Variants in NADK observed in about 807,000 individuals in gnomAD.
NADK encodes the protein NAD kinase.
A neutral mutation model predicts 49.8 loss-of-function variants in NADK; 22 were observed. The observed-to-expected ratio is 0.44, with a 90% confidence interval of 0.32 to 0.63. The LOEUF is 0.63. NADK is among the 30% of genes least tolerant of loss of function. The pLI, the probability that NADK is intolerant of heterozygous loss-of-function variation, is 0.06. For synonymous variants in NADK, 268 were observed against 253.7 expected (o/e 1.06, Z -0.54); for missense variants, 438 against 609.4 (o/e 0.72, Z 2.96).
chr1:1,754,285 G>T lies in NADK; in HGVS notation c.942C>A (p.Asp314Glu). The change falls in exon 9 of 12, where the codon GAC becomes GAA. Residue 314 changes from aspartate (D) to glutamate (E), a missense_variant and splice_region_variant. Transcript: ENST00000341426. This position sits in a 1 kb window ranked among gnomAD's most constrained non-coding sequence, Gnocchi z 4.3. ...DGHLITTVQG[D>E]GVIVSTPTGS... is the part of the protein sequence containing the mutation. ...CCAGGACAGTGCTGCGGGCCTTACC[G>T]TCGCCCTGCACCGTGGTGATGAGGT... The T allele has an allele frequency of 6.2e-7, 1 of 1,613,630 alleles. No individual in the cohort carries two copies. The highest frequency in any genetic ancestry group is 8.5e-7 in the Non-Finnish European group (1 of 1,179,916).
intron 1 of NADK, among the ~76,000 whole-genome samples, chr1:1,776,116 C>T (rs1035322234): frequency 1.3e-5 from 2 of 152,204 alleles, no homozygotes; most frequent in Non-Finnish European, 2.9e-5. Flanking sequence ...AATCCAGATG[C>T]AAGGCCGTCG....
At chr1:1,776,716 T>C (rs1392838272) in intron 1 of NADK, among the ~76,000 whole-genome samples, 1 of 140,196 alleles carries the variant, frequency 7.1e-6, no homozygotes, top group East Asian at 2.1e-4. Flanking sequence ...GAGGTTGCAG[T>C]GAGCCGAGAT....
chr1:1,769,275 G>A (rs1267227644), intron 1 of NADK, among the ~76,000 whole-genome samples: 3 of 152,128 alleles, frequency 2.0e-5, no homozygotes, highest in Non-Finnish European at 4.4e-5. Context: ...GGCTGGGTGC[G>A]GTGGTTCACG....
chr1:1,755,028 G>T, intron 7 of NADK: 1 of 399,346 alleles, frequency 2.5e-6, no homozygotes, highest in Non-Finnish European at 4.5e-6. Flanking sequence ...CACCGTGTTG[G>T]CCAGGATGGT....
chr1:1,758,244 C>T, intron 3 of NADK: 1 of 1,209,054 alleles, frequency 8.3e-7, no homozygotes, highest in East Asian at 2.5e-5. Context: ...GCAGTGACTT[C>T]CCCAGGAGTG....
At chr1:1,753,697 C>G in intron 10 of NADK, 48 bp from the exon 11 acceptor site, 1 of 1,507,878 alleles carries the variant, frequency 6.6e-7, no homozygotes, top group South Asian at 1.2e-5. Context: ...GTGGGGAGGA[C>G]GCTTCTAGGC....
chr1:1,765,138 T>G lies in NADK; in HGVS notation c.179+90A>C. The G allele has an allele frequency of 3.1e-6, 4 of 1,293,326 alleles. No individual in the cohort carries two copies. In the South Asian group the frequency reaches 6.4e-5, roughly 21 times the overall value. 80.1% of individuals were successfully genotyped at this position (1,293,326 alleles called of 1,614,324 possible). A position where few individuals can be genotyped will look rare whatever the true frequency, so the allele number is the denominator to read the frequency against. ...ACCTTCCGGATGCATCGACGCAGAC[T>G]ACTCAGGAGAATTCTTCATAATCGT... On this transcript the variant is annotated intron_variant, in intron 2 of 11. Coordinates refer to ENST00000341426, the MANE Select transcript of NADK (RefSeq NM_023018.5).
Position 1,765,336 on chromosome 1 carries a change from G to C in NADK, c.71C>G (p.Ser24Trp), listed in dbSNP as rs748296163. 1 of 1,613,480 alleles carries C rather than the reference G, an allele frequency of 6.2e-7. No homozygotes were observed. Among genetic ancestry groups the C allele is most frequent in the South Asian group, 1.1e-5 (1 of 91,028 alleles). Residue 24 changes from serine to tryptophan, a missense_variant, in exon 2 of 12, where the codon TCG (serine) becomes TGG (tryptophan). Physicochemically the swap from Ser to Trp is radical, Grantham distance 177 (BLOSUM62 -3). Transcript: ENST00000341426. ...LSPDAAAYCC[S>W]ACHGDETWSY... ...CCAGGTCTCATCGCCGTGGCAGGCC[G>C]AGCAGCAGTAAGCAGCCGCGTCTGG...
chr1:1,758,665 T>C (rs1645612863), intron 3 of NADK: 1 of 1,371,218 alleles, frequency 7.3e-7, no homozygotes, highest in African/African-American at 1.6e-5. Context: ...CTTCCTACAC[T>C]TATAAAAATC....
At chr1:1,755,265 T>G in intron 7 of NADK, 109 bp downstream of exon 7, 1 of 791,990 alleles carries the variant, frequency 1.3e-6, no homozygotes, top group Non-Finnish European at 2.1e-6. Context: ...TCTTGAAACC[T>G]TTAAATGTTG....
Position 1,752,725 on chromosome 1 carries a change from T to G in NADK, c.*179A>C. ...CGCTTCTTTAGAAATGCAAAAAAAG[T>G]CAGACATTTTAAAAAAACAGCTGAT... On this transcript the variant is annotated 3_prime_UTR_variant, in exon 12 of 12. Transcript: ENST00000341426. 3 of 691,908 alleles carry G rather than the reference T, an allele frequency of 4.3e-6. No homozygotes were observed. The highest frequency in any genetic ancestry group is 4.6e-6 in the Non-Finnish European group (2 of 434,778). 42.9% of individuals were successfully genotyped at this position (691,908 alleles called of 1,614,324 possible). A position where few individuals can be genotyped will look rare whatever the true frequency, so the allele number is the denominator to read the frequency against.
chr1:1,755,546 C>T, intron 6 of NADK, 70 bp from the exon 7 acceptor site: 2 of 1,179,308 alleles, frequency 1.7e-6, no homozygotes, highest in Admixed American at 3.4e-5. Context: ...TTTCCAGCAG[C>T]ACCTCAGGAG....
intron 3 of NADK, among the ~76,000 whole-genome samples, chr1:1,760,342 A>G (rs1379396238): frequency 6.6e-6 from 1 of 152,166 alleles, no homozygotes; most frequent in Non-Finnish European, 1.5e-5. Flanking sequence ...CAGCGTCTGG[A>G]GCAGCAAGGC....
intron 3 of NADK, 71 bp from the exon 4 acceptor site, chr1:1,757,381 A>C: frequency 7.3e-7 from 1 of 1,368,332 alleles, no homozygotes; most frequent in Non-Finnish European, 1.0e-6. Flanking sequence ...ATGACTTAGA[A>C]AATAAAAAAA....
At chr1:1,753,421 CTG>C (rs1162391301) in intron 11 of NADK, 144 bp downstream of exon 11, 17 of 672,308 alleles carry the variant, frequency 2.5e-5, no homozygotes, top group Non-Finnish European at 3.8e-5. Flanking sequence ...GGTGCCCCGA[CTG>C]TGATGCTGCA....
Position 1,752,709 on chromosome 1 carries a change from A to C in NADK, c.*195T>G. 2 of 628,034 alleles carry C rather than the reference A, an allele frequency of 3.2e-6. No homozygotes were observed. The highest frequency in any genetic ancestry group is 2.6e-5 in the South Asian group (1 of 38,572). The allele number at this position is 628,034 out of a possible 1,614,324, so 38.9% of individuals were successfully genotyped here. A position where few individuals can be genotyped will look rare whatever the true frequency, so the allele number is the denominator to read the frequency against. On this transcript the variant is annotated 3_prime_UTR_variant, in exon 12 of 12. Coordinates refer to ENST00000341426, the MANE Select transcript of NADK (RefSeq NM_023018.5). ...CCCAGCCCATTTCTCACGCTTCTTT[A>C]GAAATGCAAAAAAAGTCAGACATTT...
rs961640986 is a variant in NADK at position 1,765,327 on chromosome 1, T to C, written c.80A>G (p.His27Arg). 1.2e-6 allele frequency: 2 copies of C among 1,613,584 alleles called. No homozygotes were observed. Among genetic ancestry groups the C allele is most frequent in the African/African-American group, 1.3e-5 (1 of 74,938 alleles). The change falls in exon 2 of 12, where the codon CAC becomes CGC. Residue 27 changes from histidine to arginine, a missense_variant. Physicochemically the swap from His to Arg is conservative, Grantham distance 29. Coordinates refer to ENST00000341426, the MANE Select transcript of NADK (RefSeq NM_023018.5). Reference protein sequence around the residue: ...DAAAYCCSACHGDETWSYNHP... With the variant: ...DAAAYCCSACRGDETWSYNHP... ...GTTGTAACTCCAGGTCTCATCGCCG[T>C]GGCAGGCCGAGCAGCAGTAAGCAGC... is the stretch of plus-strand genomic sequence containing the variant.
intron 1 of NADK, among the ~76,000 whole-genome samples, chr1:1,772,869 G>A (rs59795280): frequency 3.3e-5 from 5 of 151,424 alleles, no homozygotes; most frequent in African/African-American, 9.7e-5. Flanking sequence ...CAGAAACCGC[G>A]TTTCTACTAA....
At chr1:1,770,683 G>C (rs979657829) in intron 1 of NADK, among the ~76,000 whole-genome samples, 1 of 152,088 alleles carries the variant, frequency 6.6e-6, no homozygotes, top group Admixed American at 6.6e-5. Flanking sequence ...AGTGAGCGGA[G>C]ATCGCACCAC....
Sources: gnomAD v4.1 joint callset for allele counts (sites outside exome capture counted in the v4.1 genomes callset) on GRCh38, gnomAD v4.1.1 for gene constraint, Gnocchi (gnomAD v3.1) non-coding constraint, MANE v1.5 for transcripts, NCBI Gene and HGNC (gene_info 2026-07-23, HGNC 2026-07-21) for gene names.